Variants in DMXL1 observed in about 807,000 individuals in gnomAD.
DMXL1 encodes the protein dmX-like protein 1.
DMXL1 carries 99 observed loss-of-function variants against 319.2 expected under a neutral mutation model. The ratio of observed to expected loss-of-function variants is 0.31; its 90% CI spans 0.26 to 0.37. The LOEUF (loss-of-function observed/expected upper bound fraction) is 0.37, where lower values mean the gene tolerates loss of function less well. Ranked by LOEUF, DMXL1 falls within the 10% of genes least tolerant of loss-of-function variation. DMXL1 has a pLI of 1.00. For synonymous variants in DMXL1, 1,385 were observed against 1,235.2 expected, an observed-to-expected ratio of 1.12 and a Z score of -2.54; for missense variants, 3,745 against 3,595.6, an observed-to-expected ratio of 1.04 and a Z score of -1.06.
intron 13 of DMXL1, among the ~76,000 whole-genome samples, chr5:119,139,498 T>C (rs1014227207): frequency 1.3e-5 from 2 of 152,170 alleles, no homozygotes; most frequent in African/African-American, 4.8e-5. Flanking sequence ...AAGCAGACTC[T>C]GAACCAACAA....
chr5:119,093,931 G>T (rs1022418479), intron 1 of DMXL1, among the ~76,000 whole-genome samples: 2 of 152,192 alleles, frequency 1.3e-5, no homozygotes, highest in Non-Finnish European at 2.9e-5. Flanking sequence ...AAGGCTGGGA[G>T]AGGTGAGGAA....
chr5:119,241,029 T>G (rs1788681639), intron 42 of DMXL1, among the ~76,000 whole-genome samples: 1 of 152,190 alleles, frequency 6.6e-6, no homozygotes, highest in Non-Finnish European at 1.5e-5. Flanking sequence ...ATGAAAATCA[T>G]AATTTTTTAT....
chr5:119,130,730 T>G (rs1471055837), intron 10 of DMXL1, among the ~76,000 whole-genome samples: 2 of 152,196 alleles, frequency 1.3e-5, no homozygotes, highest in Admixed American at 6.5e-5. Flanking sequence ...CTAAGAGAAA[T>G]GTCTAACAGG....
intron 1 of DMXL1, among the ~76,000 whole-genome samples, chr5:119,091,078 G>A (rs935458051): frequency 3.9e-5 from 6 of 152,032 alleles, no homozygotes; most frequent in African/African-American, 1.2e-4. Flanking sequence ...TTATCTTAGA[G>A]ATGACTGAAT....
chr5:119,175,548 A>G (rs948888442), intron 26 of DMXL1, among the ~76,000 whole-genome samples: 4 of 152,118 alleles, frequency 2.6e-5, no homozygotes, highest in Admixed American at 6.5e-5. Context: ...TTAGCAGCCT[A>G]TTACTGGTCA....
At chr5:119,116,869 A>G (rs10065681) in intron 7 of DMXL1, among the ~76,000 whole-genome samples, 33 of 152,316 alleles carry the variant, frequency 2.2e-4, no homozygotes, top group African/African-American at 7.9e-4. Flanking sequence ...TTTAACCACA[A>G]AAGCACACAG....
intron 34 of DMXL1, among the ~76,000 whole-genome samples, chr5:119,216,449 T>C (rs1783718195): frequency 6.6e-6 from 1 of 152,174 alleles, no homozygotes; most frequent in African/African-American, 2.4e-5. Context: ...GTCCATGAGC[T>C]GAGAATTTTT....
intron 29 of DMXL1, 65 bp downstream of exon 29, chr5:119,189,951 AGT>A: frequency 3.4e-6 from 5 of 1,491,198 alleles, no homozygotes; most frequent in Middle Eastern, 3.7e-4. Flanking sequence ...ATCAGAAATA[AGT>A]GTCATTTTTG....
intron 28 of DMXL1, among the ~76,000 whole-genome samples, chr5:119,185,715 C>A (rs1371834630): frequency 1.3e-5 from 2 of 151,452 alleles, no homozygotes; most frequent in African/African-American, 4.9e-5. Context: ...TTTGGCCTGG[C>A]TGGTCTCAAA....
intron 2 of DMXL1, chr5:119,100,770 CTTTTTTTTTTTTTTTTT>C (rs397999092): frequency 6.4e-5 from 4 of 62,670 alleles, no homozygotes; most frequent in East Asian, 1.2e-3. Flanking sequence ...CATCTGTTTT[CTTTTTTTTTTTTTTTTT>C]TTTTTTTTTT....
intron 28 of DMXL1, among the ~76,000 whole-genome samples, chr5:119,188,696 T>C (rs1561831810): frequency 6.6e-6 from 1 of 152,226 alleles, no homozygotes; most frequent in Admixed American, 6.5e-5. Context: ...GTAATAATCA[T>C]GCCACTTTTT....
chr5:119,110,077 T>G, intron 4 of DMXL1, 74 bp from the exon 5 acceptor site: 2 of 1,360,714 alleles, frequency 1.5e-6, no homozygotes, highest in Non-Finnish European at 2.0e-6. Context: ...TTGTTTTATA[T>G]GAAATTCTTG....
intron 4 of DMXL1, among the ~76,000 whole-genome samples, chr5:119,109,923 A>G (rs1256568681): frequency 6.6e-6 from 1 of 152,238 alleles, no homozygotes; most frequent in Non-Finnish European, 1.5e-5. Context: ...TGCCCGGGAC[A>G]AAGAAGATGC....
At chr5:119,105,700 C>T (rs552297481) in intron 4 of DMXL1, among the ~76,000 whole-genome samples, 13 of 151,914 alleles carry the variant, frequency 8.6e-5, no homozygotes, top group East Asian at 1.9e-4. Context: ...GTTCAAGACC[C>T]GCCTGACCAA....
chr5:119,144,027 T>C (rs1181232078), intron 14 of DMXL1, 97 bp downstream of exon 14: 1 of 735,590 alleles, frequency 1.4e-6, no homozygotes, highest in Non-Finnish European at 2.2e-6. Context: ...AAATTTGCTA[T>C]ATATTTACAG....
rs533328100 is a variant in DMXL1 at position 119,200,297 on chromosome 5, G to T, written c.7745+2341G>T. ...AGTTTCAATCTTCTGCATTTGGCTAGCCGGTTATCCCAGCACCATTTATAG... is the reference window on the plus strand; with the variant it reads ...AGTTTCAATCTTCTGCATTTGGCTATCCGGTTATCCCAGCACCATTTATAG... On this transcript the variant is annotated intron_variant, in intron 32 of 43. Coordinates refer to ENST00000539542, the MANE Select transcript of DMXL1 (RefSeq NM_001290321.3). 3.9e-5 allele frequency among the ~76,000 whole-genome samples: 6 copies of T among 152,260 alleles called. No homozygotes were observed. In the East Asian group the frequency reaches 1.2e-3, roughly 29 times the overall value.
intron 13 of DMXL1, among the ~76,000 whole-genome samples, chr5:119,142,420 A>G (rs902540318): frequency 6.6e-6 from 1 of 151,946 alleles, no homozygotes; most frequent in Non-Finnish European, 1.5e-5. Context: ...GGCAACAAAC[A>G]TGATAAAAAG....
chr5:119,081,138 G>A (rs531954356), intron 1 of DMXL1, among the ~76,000 whole-genome samples: 23 of 152,268 alleles, frequency 1.5e-4, no homozygotes, highest in South Asian at 6.2e-4. Flanking sequence ...GAGGACAAAT[G>A]GGACAAAGAA....
At chr5:119,183,411 A>G (rs900134645) in intron 28 of DMXL1, among the ~76,000 whole-genome samples, 1 of 152,242 alleles carries the variant, frequency 6.6e-6, no homozygotes, top group South Asian at 2.1e-4. Flanking sequence ...GTGGTTTATT[A>G]TAAGGAACTT....
Sources: gnomAD v4.1 joint callset for allele counts (sites outside exome capture counted in the v4.1 genomes callset) on GRCh38, gnomAD v4.1.1 for gene constraint, MANE v1.5 for transcripts, NCBI Gene and HGNC (gene_info 2026-07-23, HGNC 2026-07-21) for gene names.